Variants in RUFY1 observed in about 807,000 individuals in gnomAD.
RUFY1 encodes RUN and FYVE domain containing 1.
A neutral mutation model predicts 94.6 loss-of-function variants in RUFY1; 54 were observed. That is an observed-to-expected ratio of 0.57 (90% CI 0.46 to 0.72). The LOEUF is 0.72. Ranked by LOEUF, RUFY1 falls within the 30% of genes least tolerant of loss-of-function variation. The pLI, the probability that RUFY1 is intolerant of heterozygous loss-of-function variation, is 0.00. For missense variants in RUFY1, 883 were observed against 883.9 expected, an observed-to-expected ratio of 1.00 and a Z score of 0.01; for synonymous variants, 396 against 347.3, an observed-to-expected ratio of 1.14 and a Z score of -1.56.
intron 9 of RUFY1, among the ~76,000 whole-genome samples, chr5:179,591,342 G>A (rs547100973): frequency 2.9e-4 from 44 of 151,506 alleles, no homozygotes; most frequent in Middle Eastern, 3.4e-3. Flanking sequence ...CCACCACCAC[G>A]CCCAGCTAAT....
At chr5:179,578,976 A>T (rs554951130) in intron 6 of RUFY1, among the ~76,000 whole-genome samples, 1 of 152,328 alleles carries the variant, frequency 6.6e-6, no homozygotes, top group South Asian at 2.1e-4. Context: ...GGATATGCAT[A>T]CATATGTTTT....
intron 7 of RUFY1, among the ~76,000 whole-genome samples, chr5:179,585,087 C>T (rs1013239701): frequency 3.3e-5 from 5 of 152,056 alleles, no homozygotes; most frequent in African/African-American, 9.7e-5. Context: ...GTTGAGCTCG[C>T]GCCACTGCAC....
chr5:179,552,635 A>T (rs1421657620), intron 1 of RUFY1, among the ~76,000 whole-genome samples: 1 of 152,216 alleles, frequency 6.6e-6, no homozygotes, highest in Non-Finnish European at 1.5e-5. Context: ...GTCAGTACTG[A>T]AAGTCAAGGC....
At chr5:179,597,763 C>G (rs1164256674) in intron 13 of RUFY1, among the ~76,000 whole-genome samples, 2 of 152,206 alleles carry the variant, frequency 1.3e-5, no homozygotes, top group East Asian at 3.9e-4. Context: ...AAAGAGAGAG[C>G]AGACTCCAGG....
At chr5:179,585,935 G>A (rs1764573931) in intron 8 of RUFY1, 70 bp downstream of exon 8, 4 of 1,234,014 alleles carry the variant, frequency 3.2e-6, no homozygotes, top group Admixed American at 1.7e-5. Context: ...TGTGTAGTCG[G>A]TCTGCGATAG....
chr5:179,561,182 A>G (rs1762424021), intron 2 of RUFY1, among the ~76,000 whole-genome samples: 2 of 152,044 alleles, frequency 1.3e-5, no homozygotes, highest in Admixed American at 6.6e-5. Flanking sequence ...TTGCACTCCA[A>G]CCAAGGCTAC....
At chr5:179,580,339 T>G (rs376689007) in intron 6 of RUFY1, among the ~76,000 whole-genome samples, 3 of 150,220 alleles carry the variant, frequency 2.0e-5, no homozygotes, top group African/African-American at 7.3e-5. Flanking sequence ...GCCTCCCGGG[T>G]TCACGCCATT....
chr5:179,554,405 G>A (rs1031158317), intron 1 of RUFY1, among the ~76,000 whole-genome samples: 1 of 151,556 alleles, frequency 6.6e-6, no homozygotes, highest in Admixed American at 6.6e-5. Flanking sequence ...GCATGGTGGC[G>A]TAGGCGTGTA....
chr5:179,609,356 G>C lies in RUFY1; in HGVS notation c.1984-20G>C, dbSNP rs7448707. On this transcript the variant is annotated intron_variant, in intron 17 of 17. Transcript: ENST00000319449. Reference sequence around the variant, plus strand: ...GCTTTTCCCCGGGTGTCCTGTGACCGCCTTCTTCCCGTCCTGTAGCACCAC... The same window carrying C: ...GCTTTTCCCCGGGTGTCCTGTGACCCCCTTCTTCCCGTCCTGTAGCACCAC... 6.2e-7 allele frequency: 1 copy of C among 1,610,152 alleles called. No homozygotes were observed. The highest frequency in any genetic ancestry group is 8.5e-7 in the Non-Finnish European group (1 of 1,178,356).
In RUFY1 at chr5:179,562,629, T is replaced by C. The variant is rs773283125; in HGVS notation, c.567T>C (p.Asp189=). The C allele has an allele frequency of 1.3e-6, 2 of 1,599,406 alleles. No individual in the cohort carries two copies. Among genetic ancestry groups the C allele is most frequent in the Non-Finnish European group, 1.7e-6 (2 of 1,166,656 alleles). The part of the protein sequence containing the change: ...LVEKLCPEAS[D]IATSVRNLPE... ...AGAAACTTTGTCCAGAAGCATCAGA[T>C]ATAGCGACTAGTGTCAGAAATCTTC... The change falls in exon 3 of 18, where the codon GAT becomes GAC. Residue 189 remains aspartate (D), a synonymous_variant. Coordinates refer to ENST00000319449, the MANE Select transcript of RUFY1 (RefSeq NM_025158.5).
chr5:179,554,545 A>AG (rs1220479222), intron 1 of RUFY1, among the ~76,000 whole-genome samples: 1 of 151,974 alleles, frequency 6.6e-6, no homozygotes, highest in East Asian at 1.9e-4. Flanking sequence ...TCAAAAAAAA[A>AG]AAGAAAAGAA....
intron 1 of RUFY1, among the ~76,000 whole-genome samples, chr5:179,552,382 C>T (rs1018842761): frequency 1.3e-5 from 2 of 152,106 alleles, no homozygotes; most frequent in Non-Finnish European, 2.9e-5. Context: ...TCCTCCCCAT[C>T]CACTGGTACC....
chr5:179,578,631 GTTGTTTGT>G (rs142563255), intron 6 of RUFY1, among the ~76,000 whole-genome samples: 70 of 151,986 alleles, frequency 4.6e-4, no homozygotes, highest in Non-Finnish European at 7.9e-4. Context: ...TACCATTTAT[GTTGTTTGT>G]TTGTTTGTTT....
chr5:179,607,447 C>T lies in RUFY1; in HGVS notation c.1906-135C>T, dbSNP rs1418636166. ...GCCCCTTGATGACAGTCCTGTGAGG[C>T]CCCATCTGATGGAGAAACAGTGCCT... On this transcript the variant is annotated intron_variant, in intron 16 of 17. Transcript: ENST00000319449. The T allele has an allele frequency of 1.4e-5, 10 of 737,626 alleles. 1 individual carries two copies. The South Asian group carries it at 1.6e-4, about 12-fold the overall frequency. 45.7% of individuals were successfully genotyped at this position (737,626 alleles called of 1,614,324 possible).
chr5:179,586,405 C>T (rs1345622560), intron 8 of RUFY1: 1 of 456,630 alleles, frequency 2.2e-6, no homozygotes, highest in Non-Finnish European at 4.4e-6. Flanking sequence ...GCCCGGCAGT[C>T]TCCTTGCTGG....
rs546955244 is a variant in RUFY1 at position 179,566,750 on chromosome 5, T to A, written c.603-711T>A. ...CTGTGTATCTTACCACAATTAATAA[T>A]AAAACATAAAATTATACCTTTAAGG... is the stretch of plus-strand genomic sequence containing the variant. On this transcript the variant is annotated intron_variant, in intron 3 of 17. Coordinates refer to ENST00000319449, the MANE Select transcript of RUFY1 (RefSeq NM_025158.5). Among the ~76,000 whole-genome samples the A allele has an allele frequency of 7.2e-5, 11 of 151,832 alleles. 1 individual carries two copies. In the South Asian group the frequency reaches 2.3e-3, roughly 32 times the overall value.
intron 9 of RUFY1, chr5:179,590,716 G>C (rs2127553939): frequency 6.6e-6 from 1 of 151,754 alleles, no homozygotes; most frequent in South Asian, 2.1e-4. Context: ...TCGATCTCCT[G>C]ACCTCGTGAT....
Position 179,550,856 on chromosome 5 carries a change from G to T in RUFY1, c.287G>T (p.Ser96Ile). ...GCCGCGGGGCTGGGCGGCGGGGACA[G>T]CGGGGACGGCACGGCGCGCGCAGGT... ...RAAAGLGGGD[S>I]GDGTARAASK... is the part of the protein sequence containing the mutation. Residue 96 changes from serine (S) to isoleucine (I), a missense_variant, in exon 1 of 18, where the codon AGC (serine) becomes ATC (isoleucine). Physicochemically the swap from Ser to Ile is moderately radical, Grantham distance 142. Coordinates refer to ENST00000319449, the MANE Select transcript of RUFY1 (RefSeq NM_025158.5). 8.4e-7 allele frequency: 1 copy of T among 1,195,106 alleles called. No individual in the cohort carries two copies. The highest frequency in any genetic ancestry group is 1.0e-6 in the Non-Finnish European group (1 of 967,470). The allele number at this position is 1,195,106 out of a possible 1,614,324, so 74.0% of individuals were successfully genotyped here. A position where few individuals can be genotyped will look rare whatever the true frequency, so the allele number is the denominator to read the frequency against.
At position 179,605,940 on chromosome 5, in the gene RUFY1, G is replaced by A; in HGVS notation, c.1905+16G>A. 6.3e-7 allele frequency: 1 copy of A among 1,579,690 alleles called. No individual in the cohort carries two copies. The highest frequency in any genetic ancestry group is 8.7e-7 in the Non-Finnish European group (1 of 1,150,200). The stretch of plus-strand genomic sequence containing the variant: ...GGCACTGAAGGTACTGCCTTGCTAA[G>A]AACCACTTCTTTGCTGTCAGCTTGT... On this transcript the variant is annotated intron_variant, in intron 16 of 17. Coordinates refer to ENST00000319449, the MANE Select transcript of RUFY1 (RefSeq NM_025158.5).
Sources: allele counts gnomAD v4.1 joint callset (sites outside exome capture counted in the v4.1 genomes callset), GRCh38; gene constraint gnomAD v4.1.1; transcripts MANE v1.5; gene names NCBI Gene and HGNC (gene_info 2026-07-23, HGNC 2026-07-21).